ACSM3: variants seen among roughly 807,000 people sequenced by gnomAD.
ACSM3 encodes acyl-CoA synthetase medium chain family member 3.
A neutral mutation model predicts 74.1 loss-of-function variants in ACSM3; 61 were observed. That is an observed-to-expected ratio of 0.82 (90% CI 0.67 to 1.02). ACSM3 has a LOEUF of 1.02. ACSM3 is among the 50% of genes least tolerant of loss of function. The probability of loss-of-function intolerance (pLI) is 0.00; values close to 1 mark genes in which losing one functional copy is unlikely to be tolerated. For missense variants in ACSM3, 660 were observed against 697.0 expected (o/e 0.95, Z 0.60); for synonymous variants, 213 against 241.5 (o/e 0.88, Z 1.09).
At chr16:20,698,463 T>C (rs2079702162) in intron 1 of ACSM3, among the ~76,000 whole-genome samples, 2 of 152,116 alleles carry the variant, frequency 1.3e-5, no homozygotes, top group Admixed American at 6.5e-5. Context: ...TTAACCTCCA[T>C]GTCATCTTTG....
rs778239725 is a variant in ACSM3 at position 20,790,538 on chromosome 16, C to T, written c.1225-49C>T. 26 of 1,521,726 alleles carry T rather than the reference C, an allele frequency of 1.7e-5. No individual in the cohort carries two copies. The highest frequency in any genetic ancestry group is 5.4e-5 in the Admixed American group (3 of 55,304). The allele number at this position is 1,521,726 out of a possible 1,614,324, so 94.3% of individuals were successfully genotyped here. On this transcript the variant is annotated intron_variant, in intron 9 of 13. Coordinates refer to ENST00000289416, the MANE Select transcript of ACSM3 (RefSeq NM_005622.4). The surrounding 1 kb of genome is among the most constrained non-coding windows in gnomAD (Gnocchi z 4.0). Reference sequence around the variant, plus strand: ...ACTTGCAAAGTTAATATTTAAGCTGCGACATTAAACAAAAATTTCCTTAAA... The same window carrying T: ...ACTTGCAAAGTTAATATTTAAGCTGTGACATTAAACAAAAATTTCCTTAAA...
At chr16:20,681,399 T>C (rs1424422447) in intron 1 of ACSM3, 1 of 152,230 alleles carries the variant, frequency 6.6e-6, no homozygotes, top group African/African-American at 2.4e-5. Context: ...TTGGCCCATG[T>C]TCCAATTCAG....
chr16:20,786,537 G>A (rs1203190391), intron 9 of ACSM3, among the ~76,000 whole-genome samples: 1 of 152,078 alleles, frequency 6.6e-6, no homozygotes, highest in Non-Finnish European at 1.5e-5. Context: ...TAAAAAACTA[G>A]CCAGGCATGG....
chr16:20,708,708 C>A (rs2079734637), intron 1 of ACSM3, among the ~76,000 whole-genome samples: 1 of 152,118 alleles, frequency 6.6e-6, no homozygotes, highest in Admixed American at 6.5e-5. Flanking sequence ...GATCTATGGA[C>A]TCGATGTAAT....
intron 1 of ACSM3, among the ~76,000 whole-genome samples, chr16:20,684,745 GGAGA>G (rs776431555): frequency 1.4e-3 from 212 of 152,254 alleles, no homozygotes; most frequent in South Asian, 1.5e-3. Flanking sequence ...AGTAAGAAAG[GGAGA>G]GAAAGAGAGA....
chr16:20,741,344 G>C (rs532034300), intron 1 of ACSM3, among the ~76,000 whole-genome samples: 2 of 152,218 alleles, frequency 1.3e-5, no homozygotes, highest in Non-Finnish European at 1.5e-5. Context: ...CGAAGTCTGC[G>C]AGCGTCTCAG....
At chr16:20,723,502 A>G (rs1247339141) in intron 1 of ACSM3, among the ~76,000 whole-genome samples, 1 of 152,076 alleles carries the variant, frequency 6.6e-6, no homozygotes, top group African/African-American at 2.4e-5. Context: ...TCCCACCAAC[A>G]GTGTAAAAGT....
At chr16:20,680,835 C>T (rs2079429814) in intron 1 of ACSM3, 1 of 152,230 alleles carries the variant, frequency 6.6e-6, no homozygotes, top group African/African-American at 2.4e-5. Flanking sequence ...TATATTGGAT[C>T]TGTGGAGCAT....
intron 1 of ACSM3, among the ~76,000 whole-genome samples, chr16:20,740,479 G>A (rs1449011298): frequency 6.6e-6 from 1 of 152,212 alleles, no homozygotes; most frequent in Non-Finnish European, 1.5e-5. Context: ...AGTGCCCAAC[G>A]AAATTGCCAG....
At chr16:20,742,407 C>T (rs2079935411) in intron 1 of ACSM3, among the ~76,000 whole-genome samples, 1 of 152,128 alleles carries the variant, frequency 6.6e-6, no homozygotes, top group Non-Finnish European at 1.5e-5. Flanking sequence ...CCTGTAATCC[C>T]AGCACTTTGG....
At chr16:20,718,435 C>G in intron 1 of ACSM3, 1 of 630,564 alleles carries the variant, frequency 1.6e-6, no homozygotes, top group Non-Finnish European at 2.4e-6. Flanking sequence ...GACAGGCTCT[C>G]CTAAGATGGC....
At chr16:20,741,537 T>A in intron 1 of ACSM3, 1 of 1,312,106 alleles carries the variant, frequency 7.6e-7, no homozygotes, top group African/African-American at 1.6e-5. Context: ...GTCGTCGCCG[T>A]ATTCGTTGAG....
chr16:20,727,536 A>G (rs2079811170), intron 1 of ACSM3: 2 of 302,642 alleles, frequency 6.6e-6, no homozygotes, highest in South Asian at 3.1e-5. Flanking sequence ...TTTCAACCTG[A>G]GCCCCTGAAG....
intron 1 of ACSM3, chr16:20,738,281 G>C (rs1249819485): frequency 1.6e-5 from 7 of 446,794 alleles, no homozygotes; most frequent in Non-Finnish European, 3.1e-5. Flanking sequence ...TGTAACAACA[G>C]AGTACATTAA....
At chr16:20,757,133 C>T (rs2080038247) in intron 3 of ACSM3, among the ~76,000 whole-genome samples, 1 of 151,854 alleles carries the variant, frequency 6.6e-6, no homozygotes, top group Admixed American at 6.6e-5. Flanking sequence ...TTTTTGGTTC[C>T]ATATGAACTT....
intron 1 of ACSM3, among the ~76,000 whole-genome samples, chr16:20,718,110 G>C (rs1227858496): frequency 6.6e-6 from 1 of 151,370 alleles, no homozygotes; most frequent in South Asian, 2.1e-4. Context: ...AGGAAAAGGA[G>C]AAGAAGAAGA....
At chr16:20,742,813 A>ATATATATAT (rs61582869) in intron 1 of ACSM3, among the ~76,000 whole-genome samples, 1,262 of 66,710 alleles carry the variant, frequency 0.019, 7 homozygotes, top group South Asian at 0.04. Flanking sequence ...ATATATATAT[A>ATATATATAT]TTTTTTTTTT....
chr16:20,711,157 G>A (rs1436364817), intron 1 of ACSM3, among the ~76,000 whole-genome samples: 1 of 151,788 alleles, frequency 6.6e-6, no homozygotes, highest in South Asian at 2.1e-4. Flanking sequence ...CCATAATAAT[G>A]TCTACTATAT....
intron 1 of ACSM3, chr16:20,737,725 A>C (rs2079882503): frequency 6.2e-7 from 1 of 1,607,720 alleles, no homozygotes; most frequent in African/African-American, 1.3e-5. Flanking sequence ...TTCTCTGATA[A>C]CTTCTTCTCT....
Sources: allele counts gnomAD v4.1 joint callset (sites outside exome capture counted in the v4.1 genomes callset), GRCh38; gene constraint gnomAD v4.1.1; non-coding constraint Gnocchi (gnomAD v3.1); transcripts MANE v1.5; gene names NCBI Gene and HGNC (gene_info 2026-07-23, HGNC 2026-07-21).